The following EPB41L5 variants were observed in gnomAD, a reference collection of about 807,000 sequenced individuals.
EPB41L5 encodes erythrocyte membrane protein band 4.1 like 5.
EPB41L5 carries 55 observed loss-of-function variants against 106.6 expected under a neutral mutation model. The observed-to-expected ratio is 0.52, with a 90% CI of 0.42 to 0.65. EPB41L5 has a LOEUF of 0.65. EPB41L5 is among the 30% of genes least tolerant of loss of function. EPB41L5 has a pLI of 0.00. For missense variants in EPB41L5, 871 were observed against 882.1 expected (o/e 0.99, Z 0.16); for synonymous variants, 297 against 306.7 (o/e 0.97, Z 0.33).
chr2:120,064,237 C>A (rs1681291512), intron 3 of EPB41L5, among the ~76,000 whole-genome samples: 1 of 152,162 alleles, frequency 6.6e-6, no homozygotes, highest in African/African-American at 2.4e-5. Flanking sequence ...TAAGATAATT[C>A]TTTAATTCAG....
In EPB41L5 at chr2:120,082,891, T is replaced by C. The variant is rs191253746; in HGVS notation, c.804-4280T>C. 9.2e-5 allele frequency among the ~76,000 whole-genome samples: 14 copies of C among 152,350 alleles called. No homozygotes were observed. The East Asian group carries it at 2.7e-3, about 29-fold the overall frequency. On this transcript the variant is annotated intron_variant, in intron 10 of 24. Coordinates refer to ENST00000263713, the MANE Select transcript of EPB41L5 (RefSeq NM_020909.4). ...ATTCTAGATTTTTTGTTTATTTGCA[T>C]AGAGGTGTTTATTGTATTCTCTGAT...
At chr2:120,024,232 G>A (rs1359559018) in intron 2 of EPB41L5, among the ~76,000 whole-genome samples, 1 of 152,174 alleles carries the variant, frequency 6.6e-6, no homozygotes, top group Non-Finnish European at 1.5e-5. Flanking sequence ...GGAGTGGTGA[G>A]AGAGGGCATC....
intron 3 of EPB41L5, among the ~76,000 whole-genome samples, chr2:120,060,439 A>T (rs535638915): frequency 6.6e-6 from 1 of 152,318 alleles, no homozygotes; most frequent in South Asian, 2.1e-4. Context: ...ATAAAAAGAA[A>T]AAACTATTGA....
intron 16 of EPB41L5, chr2:120,104,150 C>T: frequency 1.3e-6 from 2 of 1,536,068 alleles, no homozygotes; most frequent in Admixed American, 2.0e-5. Flanking sequence ...ATAGAAACTA[C>T]ACTGACTTTG....
intron 10 of EPB41L5, among the ~76,000 whole-genome samples, chr2:120,082,748 G>A (rs565136044): frequency 6.6e-6 from 1 of 152,156 alleles, no homozygotes; most frequent in South Asian, 2.1e-4. Context: ...ACTTTTTTTG[G>A]TTGGTAGACT....
intron 20 of EPB41L5, among the ~76,000 whole-genome samples, chr2:120,156,328 C>T (rs117660189): frequency 6.6e-6 from 1 of 152,268 alleles, no homozygotes; most frequent in East Asian, 1.9e-4. Context: ...GCCTGACTTG[C>T]AGAGAGTTCC....
At chr2:120,073,859 T>C (rs1682048572) in intron 4 of EPB41L5, among the ~76,000 whole-genome samples, 1 of 152,170 alleles carries the variant, frequency 6.6e-6, no homozygotes, top group South Asian at 2.1e-4. Flanking sequence ...TTTGATGCAT[T>C]TGGCTCTGAA....
intron 24 of EPB41L5, among the ~76,000 whole-genome samples, chr2:120,168,559 T>G (rs141774536): frequency 2.6e-5 from 4 of 152,322 alleles, no homozygotes; most frequent in Admixed American, 2.0e-4. Flanking sequence ...TGCACCTGTT[T>G]TACAAAAGAT....
intron 20 of EPB41L5, among the ~76,000 whole-genome samples, chr2:120,158,699 C>T (rs552232712): frequency 1.3e-5 from 2 of 152,312 alleles, no homozygotes; most frequent in African/African-American, 4.8e-5. Flanking sequence ...TGCCCTCTCT[C>T]ACCACTCCTA....
chr2:120,072,315 A>G (rs1337594311), intron 3 of EPB41L5, among the ~76,000 whole-genome samples: 2 of 151,928 alleles, frequency 1.3e-5, no homozygotes, highest in Non-Finnish European at 2.9e-5. Flanking sequence ...GAGAAATAGG[A>G]ATGCTTTTTT....
chr2:120,170,474 C>T (rs777859819), intron 24 of EPB41L5, among the ~76,000 whole-genome samples: 1 of 152,228 alleles, frequency 6.6e-6, no homozygotes, highest in Non-Finnish European at 1.5e-5. Flanking sequence ...ACCTGTTAGA[C>T]TAAGGAACTC....
chr2:120,124,475 G>C (rs868491947), intron 16 of EPB41L5, among the ~76,000 whole-genome samples: 9 of 152,196 alleles, frequency 5.9e-5, no homozygotes, highest in Middle Eastern at 3.4e-3. Flanking sequence ...TATCATATTT[G>C]CTCGCATTTA....
chr2:120,105,712 A>G (rs1684412472), intron 16 of EPB41L5: 3 of 985,292 alleles, frequency 3.0e-6, no homozygotes, highest in African/African-American at 1.7e-5. Flanking sequence ...TAAGCCCATC[A>G]TCGTTTAGCA....
chr2:120,028,987 A>G (rs1318911959), intron 2 of EPB41L5, among the ~76,000 whole-genome samples: 2 of 152,166 alleles, frequency 1.3e-5, no homozygotes, highest in Non-Finnish European at 2.9e-5. Flanking sequence ...TGCACATAGT[A>G]GGTGCTTAAT....
At chr2:120,167,726 A>C in intron 23 of EPB41L5, 151 bp from the exon 24 acceptor site, 1 of 1,094,066 alleles carries the variant, frequency 9.1e-7, no homozygotes, top group East Asian at 2.4e-5. Flanking sequence ...TCTCAGATGA[A>C]GAATAGTTAA....
At chr2:120,095,678 A>AT (rs1465761444) in intron 14 of EPB41L5, among the ~76,000 whole-genome samples, 4 of 151,318 alleles carry the variant, frequency 2.6e-5, no homozygotes, top group Non-Finnish European at 5.9e-5. Context: ...TAATTAATTA[A>AT]TTTTTTTTGA....
At chr2:120,083,236 A>G (rs904917989) in intron 10 of EPB41L5, among the ~76,000 whole-genome samples, 3 of 152,136 alleles carry the variant, frequency 2.0e-5, no homozygotes, top group Middle Eastern at 3.4e-3. Flanking sequence ...TCTCTTGTGG[A>G]CATTTAGTGC....
At chr2:120,042,570 C>T (rs909973370) in intron 3 of EPB41L5, among the ~76,000 whole-genome samples, 7 of 152,088 alleles carry the variant, frequency 4.6e-5, no homozygotes, top group Non-Finnish European at 1.0e-4. Context: ...GGTACTTCGA[C>T]ATGCATTTCT....
intron 2 of EPB41L5, among the ~76,000 whole-genome samples, chr2:120,041,772 T>C (rs2105209417): frequency 6.6e-6 from 1 of 152,284 alleles, no homozygotes; most frequent in Middle Eastern, 3.4e-3. Flanking sequence ...TTTTTGTTGG[T>C]TGATTGGAAG....
Sources: gnomAD v4.1 joint callset for allele counts (sites outside exome capture counted in the v4.1 genomes callset) on GRCh38, gnomAD v4.1.1 for gene constraint, MANE v1.5 for transcripts, NCBI Gene and HGNC (gene_info 2026-07-23, HGNC 2026-07-21) for gene names.